Variants in AGBL1 observed in about 807,000 individuals in gnomAD.
The protein encoded by AGBL1 is cytosolic carboxypeptidase 4.
Under a neutral mutation model 118.9 loss-of-function variants are expected in AGBL1, and 130 were observed. That is an observed-to-expected ratio of 1.09 (90% CI 0.95 to 1.26). The LOEUF is 1.26. Ranked by LOEUF, AGBL1 falls within the 50% of genes most tolerant of loss-of-function variation. The pLI is 0.00. For missense variants in AGBL1, 1,584 were observed against 1,298.1 expected (o/e 1.22, Z -3.38); for synonymous variants, 555 against 478.9 (o/e 1.16, Z -2.08).
intron 5 of AGBL1, among the ~76,000 whole-genome samples, chr15:86,217,123 T>C (rs1326046296): frequency 2.0e-5 from 3 of 152,204 alleles, no homozygotes; most frequent in African/African-American, 7.2e-5. Flanking sequence ...TTTTTCCCCA[T>C]GGCATTTATC....
At position 86,391,241 on chromosome 15, in the gene AGBL1, AAGAT is replaced by A. The variant is rs951330920; in HGVS notation, c.2375-6121_2375-6118del. ...TTATATCACAATAAAACTAATAAAA[AAGAT>A]AGAAACATCTTTTAATATTGATATG... is the stretch of plus-strand genomic sequence containing the variant. On this transcript the variant is annotated intron_variant, in intron 17 of 22. Coordinates refer to ENST00000614907, the MANE Select transcript of AGBL1 (RefSeq NM_001386094.1). 4.0e-4 allele frequency among the ~76,000 whole-genome samples: 61 copies of A among 152,300 alleles called. 1 individual carries two copies. The highest frequency in any genetic ancestry group is 1.9e-3 in the East Asian group (10 of 5,188).
chr15:86,582,701 G>A (rs2084187332), intron 21 of AGBL1, among the ~76,000 whole-genome samples: 1 of 152,144 alleles, frequency 6.6e-6, no homozygotes, highest in African/African-American at 2.4e-5. Context: ...ATGAGTTCAT[G>A]TCCTTTGTAG....
chr15:86,868,733 T>G lies in AGBL1; in HGVS notation c.3159-38354T>G, dbSNP rs143135212. On this transcript the variant is annotated intron_variant, in intron 22 of 22. Coordinates refer to ENST00000614907, the MANE Select transcript of AGBL1 (RefSeq NM_001386094.1). Reference sequence around the variant, plus strand: ...GACTTCGCACTGTCTGGTTTATATCTGGGCTTATGTCCAACAAAACTACTA... The same window carrying G: ...GACTTCGCACTGTCTGGTTTATATCGGGGCTTATGTCCAACAAAACTACTA... Among the ~76,000 whole-genome samples, 389 of 152,332 alleles carry G rather than the reference T, an allele frequency of 2.6e-3. 2 individuals are homozygous for G. Among genetic ancestry groups the G allele is most frequent in the African/African-American group, 9.1e-3 (378 of 41,574 alleles).
At chr15:86,835,342 A>C (rs1224565740) in intron 22 of AGBL1, among the ~76,000 whole-genome samples, 3 of 152,150 alleles carry the variant, frequency 2.0e-5, no homozygotes, top group Non-Finnish European at 4.4e-5. Flanking sequence ...GATGGTAAAA[A>C]TCAATCCTGT....
chr15:86,328,506 C>T (rs2080221906), intron 17 of AGBL1, among the ~76,000 whole-genome samples: 1 of 152,032 alleles, frequency 6.6e-6, no homozygotes, highest in Non-Finnish European at 1.5e-5. Context: ...ATGCCTCAGC[C>T]ACTTGGAAAT....
At chr15:86,386,593 G>A (rs1172402773) in intron 17 of AGBL1, among the ~76,000 whole-genome samples, 1 of 151,856 alleles carries the variant, frequency 6.6e-6, no homozygotes, top group Non-Finnish European at 1.5e-5. Flanking sequence ...AACTGGCCAA[G>A]TTTCCTCAAT....
intron 5 of AGBL1, among the ~76,000 whole-genome samples, chr15:86,202,981 G>A (rs2077931478): frequency 2.0e-5 from 3 of 152,144 alleles, no homozygotes; most frequent in Non-Finnish European, 4.4e-5. Flanking sequence ...CTACTTGAGA[G>A]GCTGAGGCTG....
chr15:86,695,591 A>G (rs1388878153), intron 22 of AGBL1, among the ~76,000 whole-genome samples: 4 of 151,602 alleles, frequency 2.6e-5, no homozygotes, highest in African/African-American at 7.3e-5. Flanking sequence ...GTTTCAATTC[A>G]TTTAGTTCTG....
At chr15:86,493,373 A>G (rs994316417) in intron 18 of AGBL1, among the ~76,000 whole-genome samples, 7 of 152,042 alleles carry the variant, frequency 4.6e-5, no homozygotes, top group African/African-American at 1.7e-4. Flanking sequence ...CAAATGGAGG[A>G]GTATTTCGGA....
intron 22 of AGBL1, among the ~76,000 whole-genome samples, chr15:86,817,225 G>A (rs989984424): frequency 1.3e-5 from 2 of 150,702 alleles, no homozygotes; most frequent in African/African-American, 4.9e-5. Context: ...TCAGAAGGCG[G>A]AGGTTGCAGT....
At position 86,132,399 on chromosome 15, in the gene AGBL1, C is replaced by T. The variant is rs1186168220; in HGVS notation, c.52-9605C>T. ...GCAGCTGCTGGTTGAAGGAAGAAGGCGGCAACCCATTTCCTTGACGACGGT... is the reference window on the plus strand; with the variant it reads ...GCAGCTGCTGGTTGAAGGAAGAAGGTGGCAACCCATTTCCTTGACGACGGT... On this transcript the variant is annotated intron_variant, in intron 1 of 22. Coordinates refer to ENST00000614907, the MANE Select transcript of AGBL1 (RefSeq NM_001386094.1). 5.3e-5 allele frequency among the ~76,000 whole-genome samples: 8 copies of T among 152,116 alleles called. No homozygotes were observed. In the South Asian group the frequency reaches 1.2e-3, roughly 24 times the overall value.
chr15:86,430,506 A>G (rs1466086455), intron 18 of AGBL1, among the ~76,000 whole-genome samples: 9 of 150,836 alleles, frequency 6.0e-5, no homozygotes, highest in Non-Finnish European at 3.0e-5. Flanking sequence ...AAAAAAAAAA[A>G]TGTGTGTGTG....
chr15:86,941,528 A>G (rs1018058901), intron 23 of AGBL1, among the ~76,000 whole-genome samples: 3 of 152,230 alleles, frequency 2.0e-5, no homozygotes, highest in African/African-American at 4.8e-5. Context: ...CCCAAAGCTG[A>G]GATCCAACCT....
At chr15:86,646,030 T>C (rs2085273149) in intron 21 of AGBL1, among the ~76,000 whole-genome samples, 1 of 152,240 alleles carries the variant, frequency 6.6e-6, no homozygotes, top group Non-Finnish European at 1.5e-5. Flanking sequence ...TCTGAATGTG[T>C]AATATCCCTG....
At chr15:86,507,864 T>C (rs1481087068) in intron 18 of AGBL1, among the ~76,000 whole-genome samples, 1 of 152,026 alleles carries the variant, frequency 6.6e-6, no homozygotes, top group African/African-American at 2.4e-5. Context: ...GGATTAGGGG[T>C]ATGTGATAAA....
At chr15:86,226,389 C>T (rs968592729) in intron 6 of AGBL1, among the ~76,000 whole-genome samples, 4 of 152,138 alleles carry the variant, frequency 2.6e-5, no homozygotes, top group Non-Finnish European at 5.9e-5. Flanking sequence ...GAAGCTATCT[C>T]TCAAATCCCC....
At chr15:86,306,879 C>T (rs1354606405) in intron 17 of AGBL1, among the ~76,000 whole-genome samples, 1 of 152,134 alleles carries the variant, frequency 6.6e-6, no homozygotes, top group Non-Finnish European at 1.5e-5. Flanking sequence ...AAGATGATAT[C>T]GCATTGTGGT....
intron 9 of AGBL1, among the ~76,000 whole-genome samples, chr15:86,261,879 G>T (rs1325376961): frequency 1.3e-5 from 2 of 151,884 alleles, no homozygotes; most frequent in Non-Finnish European, 2.9e-5. Context: ...ATGTACAAAG[G>T]GATAAAGATG....
chr15:86,420,463 G>A (rs751875352), intron 18 of AGBL1, among the ~76,000 whole-genome samples: 5 of 152,118 alleles, frequency 3.3e-5, no homozygotes, highest in Non-Finnish European at 7.3e-5. Flanking sequence ...CCATCTGAAG[G>A]TCACCAACAT....
Sources: allele counts gnomAD v4.1 joint callset (sites outside exome capture counted in the v4.1 genomes callset), GRCh38; gene constraint gnomAD v4.1.1; transcripts MANE v1.5; gene names NCBI Gene and HGNC (gene_info 2026-07-23, HGNC 2026-07-21).